Variants in CPNE1 observed in about 807,000 individuals in gnomAD.
CPNE1 encodes the protein copine 1.
CPNE1 carries 58 observed loss-of-function variants against 63.2 expected under a neutral mutation model. That is an observed-to-expected ratio of 0.92 (90% CI 0.74 to 1.14). The LOEUF (loss-of-function observed/expected upper bound fraction) is 1.14, where lower values mean the gene tolerates loss of function less well. CPNE1 is among the 50% of genes most tolerant of loss of function. The pLI is 0.00. For missense variants in CPNE1, 672 were observed against 661.7 expected (o/e 1.02, Z -0.17); for synonymous variants, 237 against 249.0 (o/e 0.95, Z 0.45).
intron 1 of CPNE1, chr20:35,653,061 C>A (rs778133307): frequency 6.2e-7 from 1 of 1,613,954 alleles, no homozygotes; most frequent in Non-Finnish European, 8.5e-7. Flanking sequence ...CAACTGAAGG[C>A]ATACCAGGCC....
At chr20:35,642,028 C>A (rs2032841796) in intron 1 of CPNE1, among the ~76,000 whole-genome samples, 1 of 152,182 alleles carries the variant, frequency 6.6e-6, no homozygotes, top group Non-Finnish European at 1.5e-5. Context: ...CTTCACCCTG[C>A]CAGCCAGTTT....
intron 1 of CPNE1, among the ~76,000 whole-genome samples, chr20:35,657,748 T>C (rs1246511339): frequency 2.6e-5 from 4 of 152,192 alleles, no homozygotes; most frequent in Non-Finnish European, 4.4e-5. Context: ...AAATTGTTTC[T>C]AGCTTCCAAA....
rs1601423771 is a variant in CPNE1, at chr20:35,632,110, A to C, written c.456+53T>G. On this transcript the variant is annotated intron_variant, in intron 5 of 15. Coordinates refer to ENST00000397443, the MANE Select transcript of CPNE1 (RefSeq NM_152925.3). ...CTGTCCACACCCCCATCCCCCATAC[A>C]CCATCCTTGGCCCCTTAACTCTTGG... is the stretch of plus-strand genomic sequence containing the variant. 3 of 1,603,622 alleles carry C rather than the reference A, an allele frequency of 1.9e-6. No homozygotes were observed. In the East Asian group the frequency reaches 6.7e-5, roughly 36 times the overall value.
intron 1 of CPNE1, chr20:35,647,338 AG>A (rs2033180249): frequency 7.7e-6 from 1 of 130,458 alleles, no homozygotes; most frequent in African/African-American, 3.4e-5. Flanking sequence ...AAAAAAAAAG[AG>A]CGCTTCACAA....
chr20:35,660,980 C>A (rs928664473), intron 1 of CPNE1, among the ~76,000 whole-genome samples: 1 of 152,188 alleles, frequency 6.6e-6, no homozygotes, highest in African/African-American at 2.4e-5. Flanking sequence ...ATTTCTCATT[C>A]CACAAGGCAA....
chr20:35,663,504 G>T (rs1041980040), intron 1 of CPNE1, among the ~76,000 whole-genome samples: 11 of 152,034 alleles, frequency 7.2e-5, no homozygotes, highest in African/African-American at 2.7e-4. Context: ...TTTTCCAGTG[G>T]GTTATACTGA....
At chr20:35,641,611 T>C (rs796662289) in intron 1 of CPNE1, among the ~76,000 whole-genome samples, 8 of 152,372 alleles carry the variant, frequency 5.3e-5, no homozygotes, top group African/African-American at 1.9e-4. Flanking sequence ...GTACAGAGGC[T>C]GGAACTGCTA....
chr20:35,631,825 G>A, intron 6 of CPNE1, 48 bp from the exon 7 acceptor site: 2 of 1,565,436 alleles, frequency 1.3e-6, no homozygotes, highest in African/African-American at 1.4e-5. Context: ...ATGGCCCCCT[G>A]AGGAGCTGCC....
rs1388373203 is a variant in CPNE1 at position 35,632,790 on chromosome 20, C to T, written c.129+5G>A. ...CACAACCTTAACCTCCATAATCCGC[C>T]TCACCTCAGCCCAGCTGCCCCCTCC... On this transcript the variant is annotated splice_donor_5th_base_variant and intron_variant, in intron 2 of 15. Transcript: ENST00000397443. The T allele has an allele frequency of 1.1e-6, 1 of 871,690 alleles. No individual in the cohort carries two copies. The highest frequency in any genetic ancestry group is 1.6e-5 in the African/African-American group (1 of 61,288). The allele number at this position is 871,690 out of a possible 1,614,324, so 54.0% of individuals were successfully genotyped here.
At chr20:35,651,042 T>C (rs147032365) in intron 1 of CPNE1, 102 of 152,432 alleles carry the variant, frequency 6.7e-4, no homozygotes, top group African/African-American at 2.3e-3. Context: ...CTAGGGAAAG[T>C]AACCATAACT....
chr20:35,653,514 G>T (rs1477810179), intron 1 of CPNE1: 1 of 1,614,194 alleles, frequency 6.2e-7, no homozygotes, highest in East Asian at 2.2e-5. Flanking sequence ...TACGGTGTAA[G>T]CGTTCAGACT....
At chr20:35,636,850 T>C (rs1046666583) in intron 1 of CPNE1, among the ~76,000 whole-genome samples, 1 of 152,176 alleles carries the variant, frequency 6.6e-6, no homozygotes, top group Non-Finnish European at 1.5e-5. Context: ...ACTTCAATTG[T>C]AGGTGTATCT....
rs1004143838 is a variant in CPNE1, at chr20:35,655,220, T to C, written c.-1+9540A>G. On this transcript the variant is annotated intron_variant, in intron 1 of 15. Coordinates refer to ENST00000397443, the MANE Select transcript of CPNE1 (RefSeq NM_152925.3). ...GCCTCACCCAGTTCACCCCCTACAA[T>C]ATGCACGCCCCCATCAGGAATGGTC... 1.2e-6 allele frequency: 2 copies of C among 1,614,002 alleles called. No homozygotes were observed. The highest frequency in any genetic ancestry group is 3.3e-5 in the Admixed American group (2 of 59,992).
chr20:35,658,237 T>TA (rs902365034), intron 1 of CPNE1, among the ~76,000 whole-genome samples: 7 of 152,180 alleles, frequency 4.6e-5, no homozygotes, highest in African/African-American at 9.7e-5. Flanking sequence ...ATTTGTACTC[T>TA]AAAACATGTG....
chr20:35,644,132 C>T (rs1288827783), intron 1 of CPNE1, among the ~76,000 whole-genome samples: 1 of 152,168 alleles, frequency 6.6e-6, no homozygotes, highest in East Asian at 1.9e-4. Flanking sequence ...TAGAAAGTAT[C>T]CCCTGCCCGG....
At chr20:35,657,625 G>C (rs1210003519) in intron 1 of CPNE1, among the ~76,000 whole-genome samples, 2 of 152,150 alleles carry the variant, frequency 1.3e-5, no homozygotes, top group African/African-American at 4.8e-5. Flanking sequence ...GTTTGTACAA[G>C]GTACACATGA....
At chr20:35,630,255 A>T (rs2032031634) in intron 13 of CPNE1, among the ~76,000 whole-genome samples, 184 bp downstream of exon 13, 1 of 152,216 alleles carries the variant, frequency 6.6e-6, no homozygotes, top group Admixed American at 6.5e-5. Context: ...AGATTGCGCC[A>T]CCGCACTCCA....
intron 1 of CPNE1, chr20:35,651,448 CG>C (rs1232112100): frequency 6.6e-6 from 1 of 152,172 alleles, no homozygotes; most frequent in Non-Finnish European, 1.5e-5. Context: ...AGGACTAACA[CG>C]TATCAATCTA....
At chr20:35,636,735 G>A (rs1430151943) in intron 1 of CPNE1, among the ~76,000 whole-genome samples, 2 of 152,152 alleles carry the variant, frequency 1.3e-5, no homozygotes, top group African/African-American at 2.4e-5. Context: ...AGGTTGCAGT[G>A]AGCCGAGATC....
Sources: allele counts gnomAD v4.1 joint callset (sites outside exome capture counted in the v4.1 genomes callset), GRCh38; gene constraint gnomAD v4.1.1; transcripts MANE v1.5; gene names NCBI Gene and HGNC (gene_info 2026-07-23, HGNC 2026-07-21).